PLEKHA5: variants seen among roughly 807,000 people sequenced by gnomAD.
PLEKHA5 encodes pleckstrin homology domain-containing family A member 5.
Under a neutral mutation model 181.9 loss-of-function variants are expected in PLEKHA5, and 55 were observed. The observed-to-expected ratio is 0.30, with a 90% CI of 0.24 to 0.38. The LOEUF is 0.38. Ranked by LOEUF, PLEKHA5 falls within the 10% of genes least tolerant of loss-of-function variation. The pLI, the probability that PLEKHA5 is intolerant of heterozygous loss-of-function variation, is 1.00. For synonymous variants in PLEKHA5, 535 were observed against 529.4 expected, an observed-to-expected ratio of 1.01 and a Z score of -0.15; for missense variants, 1,432 against 1,549.5, an observed-to-expected ratio of 0.92 and a Z score of 1.27.
chr12:19,331,135 CT>C lies in PLEKHA5; in HGVS notation c.2449-5372del, dbSNP rs542030595. ...CTCTAAGAATAATAGTAATTATTTG[CT>C]TTTTTTTAAACTATAGCCACCTGTA... On this transcript the variant is annotated intron_variant, in intron 20 of 31. Transcript: ENST00000429027. Among the ~76,000 whole-genome samples the C allele has an allele frequency of 1.5e-3, 235 of 151,812 alleles. 1 individual carries two copies. Among genetic ancestry groups the C allele is most frequent in the African/African-American group, 5.3e-3 (219 of 41,430 alleles).
At chr12:19,301,079 G>A (rs562074591) in intron 15 of PLEKHA5, among the ~76,000 whole-genome samples, 53 of 152,206 alleles carry the variant, frequency 3.5e-4, no homozygotes, top group Middle Eastern at 3.4e-3. Context: ...TTACCCAGGA[G>A]GCGGAGGTCA....
chr12:19,222,111 ATGTG>A (rs1034123698), intron 3 of PLEKHA5, among the ~76,000 whole-genome samples: 2 of 152,002 alleles, frequency 1.3e-5, no homozygotes, highest in East Asian at 3.9e-4. Context: ...TAAAATATAT[ATGTG>A]TGTGTATGTA....
intron 3 of PLEKHA5, among the ~76,000 whole-genome samples, chr12:19,216,249 G>T (rs991477928): frequency 6.6e-6 from 1 of 152,170 alleles, no homozygotes; most frequent in African/African-American, 2.4e-5. Context: ...TAAATAGGCA[G>T]GCTTCCTTTG....
Position 19,319,967 on chromosome 12 carries a change from G to A in PLEKHA5, c.2119-54G>A, listed in dbSNP as rs894180923. The A allele has an allele frequency of 4.4e-5, 53 of 1,204,736 alleles. No individual in the cohort carries two copies. The South Asian group carries it at 5.1e-4, about 12-fold the overall frequency. The allele number at this position is 1,204,736 out of a possible 1,614,324, so 74.6% of individuals were successfully genotyped here. On this transcript the variant is annotated intron_variant, in intron 16 of 31. Coordinates refer to ENST00000429027, the MANE Select transcript of PLEKHA5 (RefSeq NM_001256470.2). Reference sequence around the variant, plus strand: ...TAGGCTTTCAGTTTTATAAGATTTCGAATGATTTTCCTCTTTTCAATTAAA... The same window carrying A: ...TAGGCTTTCAGTTTTATAAGATTTCAAATGATTTTCCTCTTTTCAATTAAA...
intron 20 of PLEKHA5, among the ~76,000 whole-genome samples, chr12:19,328,369 T>G (rs139536512): frequency 1.0e-3 from 152 of 152,322 alleles, no homozygotes; most frequent in African/African-American, 3.4e-3. Context: ...TGATGGTAGT[T>G]TGATAGAAAT....
chr12:19,374,333 G>A (rs569258792), intron 31 of PLEKHA5, among the ~76,000 whole-genome samples: 2 of 152,040 alleles, frequency 1.3e-5, no homozygotes, highest in East Asian at 1.9e-4. Flanking sequence ...CGTTGCCAGC[G>A]GTACATTTTT....
chr12:19,347,955 T>A (rs2094421217), intron 24 of PLEKHA5, among the ~76,000 whole-genome samples: 1 of 148,032 alleles, frequency 6.8e-6, no homozygotes, highest in Non-Finnish European at 1.5e-5. Flanking sequence ...CAATCTCAGC[T>A]CACTGCAAGC....
chr12:19,251,739 C>CAAA lies in PLEKHA5; in HGVS notation c.228-2179_228-2177dup, dbSNP rs374276545. Among the ~76,000 whole-genome samples the CAAA allele has an allele frequency of 1.2e-3, 76 of 65,540 alleles. 1 individual carries two copies. Among genetic ancestry groups the CAAA allele is most frequent in the African/African-American group, 2.1e-3 (36 of 16,754 alleles). The allele number at this position is 65,540 out of a possible 152,430, so 43.0% of individuals were successfully genotyped here. A position where few individuals can be genotyped will look rare whatever the true frequency, so the allele number is the denominator to read the frequency against. On this transcript the variant is annotated intron_variant, in intron 3 of 31. Transcript: ENST00000429027. ...CTTGATCTGAATTTTGAGGCCCATC[C>CAAA]AAAAAAAAAAAAAAAAAAAAAAAAC...
chr12:19,209,602 A>T (rs2056490467), intron 3 of PLEKHA5, among the ~76,000 whole-genome samples: 2 of 152,296 alleles, frequency 1.3e-5, no homozygotes, highest in South Asian at 4.1e-4. Context: ...TGGGATCAAG[A>T]TCCTGAAGCA....
At chr12:19,199,734 A>C (rs969529396) in intron 3 of PLEKHA5, among the ~76,000 whole-genome samples, 5 of 152,162 alleles carry the variant, frequency 3.3e-5, no homozygotes, top group African/African-American at 1.2e-4. Flanking sequence ...CTACGACTTG[A>C]GCTTTTTTTC....
chr12:19,363,384 G>A (rs1195261380), intron 29 of PLEKHA5, among the ~76,000 whole-genome samples: 3 of 151,506 alleles, frequency 2.0e-5, no homozygotes, highest in Non-Finnish European at 2.9e-5. Context: ...TAGCCAGGAT[G>A]GTCTCGATCT....
Position 19,308,897 on chromosome 12 carries a change from G to GCGCGCACACACACACACACA in PLEKHA5, c.2038-5916_2038-5915insGCGCACACACACACACACAC. 3.4e-4 allele frequency among the ~76,000 whole-genome samples: 50 copies of GCGCGCACACACACACACACA among 147,270 alleles called. 1 individual carries two copies. Among genetic ancestry groups the GCGCGCACACACACACACACA allele is most frequent in the Middle Eastern group, 3.4e-3 (1 of 290 alleles). On this transcript the variant is annotated intron_variant, in intron 15 of 31. Transcript: ENST00000429027. Reference sequence around the variant, plus strand: ...ACCTTGTCTCTACTAAAACACAAACGCACACACACACAAAATTAGCCAGGC... The same window carrying GCGCGCACACACACACACACA: ...ACCTTGTCTCTACTAAAACACAAACGCGCGCACACACACACACACACACACACACACAAAATTAGCCAGGC...
chr12:19,333,113 C>T (rs1052749063), intron 20 of PLEKHA5, among the ~76,000 whole-genome samples: 1 of 152,090 alleles, frequency 6.6e-6, no homozygotes, highest in South Asian at 2.1e-4. Flanking sequence ...GGAGAAACCC[C>T]GTCTCTACTA....
intron 15 of PLEKHA5, chr12:19,306,596 G>T (rs527982067): frequency 1.2e-6 from 1 of 851,168 alleles, no homozygotes; most frequent in South Asian, 1.4e-5. Context: ...CCCTAGCGGC[G>T]GGCCCAGTAG....
chr12:19,144,312 C>T (rs1318667759), intron 3 of PLEKHA5, among the ~76,000 whole-genome samples: 1 of 152,214 alleles, frequency 6.6e-6, no homozygotes, highest in Admixed American at 6.5e-5. Flanking sequence ...CTCAGCTGTG[C>T]TGGTCTTCAG....
chr12:19,245,145 A>G (rs1220459817), intron 3 of PLEKHA5, among the ~76,000 whole-genome samples: 2 of 152,250 alleles, frequency 1.3e-5, no homozygotes, highest in Non-Finnish European at 2.9e-5. Flanking sequence ...GCAAGAAACT[A>G]GTAAAACCAT....
intron 15 of PLEKHA5, among the ~76,000 whole-genome samples, chr12:19,312,326 T>C (rs572710065): frequency 6.6e-6 from 1 of 152,344 alleles, no homozygotes; most frequent in African/African-American, 2.4e-5. Flanking sequence ...TTTGAAGCTT[T>C]GGAGCCAGGC....
In PLEKHA5 at chr12:19,208,197, C is replaced by T. The variant is rs182444818; in HGVS notation, c.228-45743C>T. ...CCTAGATGGGTGGATCACCTGAGGT[C>T]AAGAGTTCGAGACCAGCCTGGCCAA... On this transcript the variant is annotated intron_variant, in intron 3 of 31. Coordinates refer to ENST00000429027, the MANE Select transcript of PLEKHA5 (RefSeq NM_001256470.2). Among the ~76,000 whole-genome samples, 290 of 152,118 alleles carry T rather than the reference C, an allele frequency of 1.9e-3. 3 individuals carry two copies. Among genetic ancestry groups the T allele is most frequent in the African/African-American group, 6.6e-3 (272 of 41,500 alleles).
intron 3 of PLEKHA5, among the ~76,000 whole-genome samples, chr12:19,223,000 C>CT (rs62719560): frequency 0.013 from 1,738 of 128,882 alleles, 32 homozygotes; most frequent in African/African-American, 0.044. Flanking sequence ...GAAATTTTGT[C>CT]TTTTTTTTTT....
Sources: allele counts gnomAD v4.1 joint callset (sites outside exome capture counted in the v4.1 genomes callset), GRCh38; gene constraint gnomAD v4.1.1; transcripts MANE v1.5; gene names NCBI Gene and HGNC (gene_info 2026-07-23, HGNC 2026-07-21).